MINAR2: variants seen among roughly 807,000 people sequenced by gnomAD.
The protein encoded by MINAR2 is major intrinsically disordered NOTCH2-binding receptor 1-like.
A neutral mutation model predicts 16.1 loss-of-function variants in MINAR2; 21 were observed. The ratio of observed to expected loss-of-function variants is 1.31; its 90% CI spans 0.93 to 1.88. MINAR2 has a LOEUF of 1.88. Among genes scored for constraint, MINAR2 ranks in the 40% most tolerant of loss-of-function variants. The probability of loss-of-function intolerance (pLI) is 0.00; values close to 1 mark genes in which losing one functional copy is unlikely to be tolerated. For synonymous variants in MINAR2, 86 were observed against 83.0 expected (o/e 1.04, Z -0.20); for missense variants, 259 against 229.8 (o/e 1.13, Z -0.82).
chr5:129,748,250 A>G lies in MINAR2; in HGVS notation c.60A>G (p.Val20=), dbSNP rs1440034803. The part of the protein sequence containing the change: ...NHPDKFLQLD[V]KSLTRSSALL... ...CTGACAAATTCCTGCAGCTTGACGT[A>G]AAGTCTTTAACGAGGAGCTCAGCCC... is the stretch of plus-strand genomic sequence containing the variant. The change falls in exon 1 of 3, where the codon GTA becomes GTG. Residue 20 remains valine (V), a synonymous_variant. Coordinates refer to ENST00000564719, the MANE Select transcript of MINAR2 (RefSeq NM_001257308.2). The G allele has an allele frequency of 1.3e-6, 2 of 1,535,256 alleles. No individual in the cohort carries two copies. The highest frequency in any genetic ancestry group is 2.0e-5 in the Admixed American group (1 of 50,976).
chr5:129,748,875 T>C (rs1265342278), intron 1 of MINAR2, among the ~76,000 whole-genome samples: 1 of 152,098 alleles, frequency 6.6e-6, no homozygotes, highest in African/African-American at 2.4e-5. Context: ...AGGGAAAAAA[T>C]ACAGCGAACT....
Position 129,748,137 on chromosome 5 carries a change from T to C in MINAR2, c.-54T>C, listed in dbSNP as rs1757938699. The C allele has an allele frequency of 6.7e-7, 1 of 1,490,742 alleles. No individual in the cohort carries two copies. The highest frequency in any genetic ancestry group is 2.0e-5 in the Admixed American group (1 of 49,502). 92.3% of individuals were successfully genotyped at this position (1,490,742 alleles called of 1,614,324 possible). On this transcript the variant is annotated 5_prime_UTR_variant, in exon 1 of 3. Coordinates refer to ENST00000564719, the MANE Select transcript of MINAR2 (RefSeq NM_001257308.2). ...CTCAGGCACATTAATAATGGAGGAG[T>C]CTGACAAGAGCAGCTTTGCCTGTCT...
At chr5:129,760,690 G>GA in intron 2 of MINAR2, 85 bp downstream of exon 2, 1 of 1,037,080 alleles carries the variant, frequency 9.6e-7, no homozygotes, top group Non-Finnish European at 1.4e-6. Flanking sequence ...TGAAGTGACA[G>GA]GTACTCTTCA....
chr5:129,760,642 A>C lies in MINAR2; in HGVS notation c.393+37A>C, dbSNP rs954965149. On this transcript the variant is annotated intron_variant, in intron 2 of 2. Transcript: ENST00000564719. ...TAAGAGTCAACCTCTTCAACTGATA[A>C]GGGAGATCAGTCAAATAATCCTAAA... 3.6e-6 allele frequency: 5 copies of C among 1,394,374 alleles called. No homozygotes were observed. In the African/African-American group the frequency reaches 7.2e-5, roughly 20 times the overall value. 86.4% of individuals were successfully genotyped at this position (1,394,374 alleles called of 1,614,324 possible). A position where few individuals can be genotyped will look rare whatever the true frequency, so the allele number is the denominator to read the frequency against.
At position 129,760,005 on chromosome 5, in the gene MINAR2, T is replaced by G. The variant is rs1758108391; in HGVS notation, c.166-373T>G. ...ACAATAATATTAAATACTATTTTAA[T>G]AAGTCATGGAATATAAAAATAGAGA... On this transcript the variant is annotated intron_variant, in intron 1 of 2. Coordinates refer to ENST00000564719, the MANE Select transcript of MINAR2 (RefSeq NM_001257308.2). Among the ~76,000 whole-genome samples the G allele has an allele frequency of 2.6e-5, 4 of 152,174 alleles. No homozygotes were observed. The South Asian group carries it at 8.3e-4, about 32-fold the overall frequency.
In MINAR2 at chr5:129,765,190, T is replaced by TTATTAATG; in HGVS notation, c.*133_*134insTGTATTAA. 1 of 474,706 alleles carries TTATTAATG rather than the reference T, an allele frequency of 2.1e-6. No homozygotes were observed. Among genetic ancestry groups the TTATTAATG allele is most frequent in the Non-Finnish European group, 3.4e-6 (1 of 294,728 alleles). 29.4% of individuals were successfully genotyped at this position (474,706 alleles called of 1,614,324 possible). A position where few individuals can be genotyped will look rare whatever the true frequency, so the allele number is the denominator to read the frequency against. The stretch of plus-strand genomic sequence containing the variant: ...CAGTGTGAATGGATTGTTGATTGTA[T>TTATTAATG]TATTAAATGTAATTGTCCTGAAGAA... On this transcript the variant is annotated 3_prime_UTR_variant, in exon 3 of 3. Transcript: ENST00000564719.
chr5:129,761,910 A>G (rs1184108449), intron 2 of MINAR2, among the ~76,000 whole-genome samples: 1 of 152,112 alleles, frequency 6.6e-6, no homozygotes, highest in African/African-American at 2.4e-5. Context: ...GCTAACGGTA[A>G]TAGTAACAGA....
chr5:129,762,966 A>C (rs1758157615), intron 2 of MINAR2, among the ~76,000 whole-genome samples: 1 of 152,224 alleles, frequency 6.6e-6, no homozygotes, highest in South Asian at 2.1e-4. Context: ...AAGTAACAGA[A>C]TAATGAGAAA....
intron 1 of MINAR2, among the ~76,000 whole-genome samples, chr5:129,752,411 T>C (rs559498890): frequency 8.4e-4 from 128 of 151,984 alleles, no homozygotes; most frequent in Non-Finnish European, 1.4e-3. Flanking sequence ...GATGAGTTCA[T>C]GTCCTTTGCA....
intron 1 of MINAR2, among the ~76,000 whole-genome samples, chr5:129,759,405 T>C (rs998095389): frequency 6.6e-6 from 1 of 152,152 alleles, no homozygotes; most frequent in Non-Finnish European, 1.5e-5. Context: ...CTTCTCAATT[T>C]GTATTTGACC....
In MINAR2 at chr5:129,760,509, G is replaced by A. The variant is rs1480636223; in HGVS notation, c.297G>A (p.Leu99=). The A allele has an allele frequency of 6.5e-7, 1 of 1,535,600 alleles. No individual in the cohort carries two copies. Among genetic ancestry groups the A allele is most frequent in the African/African-American group, 1.4e-5 (1 of 72,982 alleles). The change falls in exon 2 of 3, where the codon TTG becomes TTA. Residue 99 remains leucine, a synonymous_variant. Coordinates refer to ENST00000564719, the MANE Select transcript of MINAR2 (RefSeq NM_001257308.2). ...KNNPLYGDLS[L]EEAMEERKKN... Reference sequence around the variant, plus strand: ...ACCCACTCTATGGTGACCTAAGTTTGGAGGAAGCTATGGAAGAAAGAAAAA... The same window carrying A: ...ACCCACTCTATGGTGACCTAAGTTTAGAGGAAGCTATGGAAGAAAGAAAAA...
chr5:129,762,737 GA>G (rs1043711525), intron 2 of MINAR2: 67 of 220,302 alleles, frequency 3.0e-4, no homozygotes, highest in South Asian at 1.1e-3. Context: ...TTGTTTCACT[GA>G]AAAAAAAATA....
chr5:129,762,430 G>T (rs1022836109), intron 2 of MINAR2: 1 of 223,958 alleles, frequency 4.5e-6, no homozygotes, highest in African/African-American at 2.3e-5. Context: ...TATAAAATTT[G>T]TTCACTATAA....
At position 129,766,680 on chromosome 5, in the gene MINAR2, C is replaced by T. The variant is rs993645838; in HGVS notation, c.*1617C>T. ...AACAAACAAACAAACAAAAAAAACC[C>T]CAAAAAAAGAGACAGTTTTACTGGA... On this transcript the variant is annotated 3_prime_UTR_variant, in exon 3 of 3. Transcript: ENST00000564719. 1 of 142,896 alleles carries T rather than the reference C, an allele frequency of 7.0e-6. No homozygotes were observed. Among genetic ancestry groups the T allele is most frequent in the Non-Finnish European group, 1.5e-5 (1 of 66,168 alleles). 8.9% of individuals were successfully genotyped at this position (142,896 alleles called of 1,614,324 possible).
intron 1 of MINAR2, among the ~76,000 whole-genome samples, chr5:129,749,427 G>A (rs777151969): frequency 2.0e-5 from 3 of 152,014 alleles, no homozygotes; most frequent in Non-Finnish European, 4.4e-5. Context: ...CACCTATAAG[G>A]ATTTTAATTT....
chr5:129,749,567 T>C (rs1561683101), intron 1 of MINAR2, among the ~76,000 whole-genome samples: 2 of 152,282 alleles, frequency 1.3e-5, no homozygotes, highest in East Asian at 3.9e-4. Context: ...TTTGTAGGCG[T>C]TCTTTTTTTA....
At chr5:129,752,636 C>T (rs1757999551) in intron 1 of MINAR2, among the ~76,000 whole-genome samples, 1 of 152,006 alleles carries the variant, frequency 6.6e-6, no homozygotes, top group Non-Finnish European at 1.5e-5. Context: ...GGGCTTAAAA[C>T]CTAGATGATG....
chr5:129,749,548 G>T (rs1223848708), intron 1 of MINAR2, among the ~76,000 whole-genome samples: 5 of 152,050 alleles, frequency 3.3e-5, no homozygotes, highest in Non-Finnish European at 5.9e-5. Context: ...CCATCTTGTT[G>T]TTGTTGTATT....
At chr5:129,763,875 A>C (rs931168415) in intron 2 of MINAR2, among the ~76,000 whole-genome samples, 2 of 152,204 alleles carry the variant, frequency 1.3e-5, no homozygotes, top group African/African-American at 4.8e-5. Flanking sequence ...TTGCTGTGCC[A>C]CATTTCAGCT....
Sources: gnomAD v4.1 joint callset for allele counts (sites outside exome capture counted in the v4.1 genomes callset) on GRCh38, gnomAD v4.1.1 for gene constraint, MANE v1.5 for transcripts, NCBI Gene and HGNC (gene_info 2026-07-23, HGNC 2026-07-21) for gene names.